The following GRIP1 variants were observed in gnomAD, a reference collection of about 807,000 sequenced individuals.
The protein encoded by GRIP1 is glutamate receptor interacting protein 1.
GRIP1 carries 45 observed loss-of-function variants against 129.9 expected under a neutral mutation model. That is an observed-to-expected ratio of 0.35 (90% CI 0.27 to 0.44). The LOEUF (loss-of-function observed/expected upper bound fraction) is 0.44. Ranked by LOEUF, GRIP1 falls within the 20% of genes least tolerant of loss-of-function variation. GRIP1 has a pLI of 1.00. For missense variants in GRIP1, 1,196 were observed against 1,396.8 expected (o/e 0.86, Z 2.29); for synonymous variants, 530 against 520.8 (o/e 1.02, Z -0.24).
At chr12:66,810,476 T>C (rs2039082083) in intron 1 of GRIP1, among the ~76,000 whole-genome samples, 1 of 152,166 alleles carries the variant, frequency 6.6e-6, no homozygotes, top group African/African-American at 2.4e-5. Flanking sequence ...CAGAATCGCT[T>C]GAACCTGGGA....
At chr12:66,851,488 C>T (rs1376264666) in intron 1 of GRIP1, among the ~76,000 whole-genome samples, 5 of 152,042 alleles carry the variant, frequency 3.3e-5, no homozygotes, top group African/African-American at 1.2e-4. Context: ...AACAGCTAAC[C>T]AAATCTTCAT....
At chr12:66,379,652 T>C (rs758550141) in intron 19 of GRIP1, among the ~76,000 whole-genome samples, 4 of 152,218 alleles carry the variant, frequency 2.6e-5, no homozygotes. Flanking sequence ...TAGATACTCC[T>C]ATTATTTGCA....
intron 7 of GRIP1, among the ~76,000 whole-genome samples, chr12:66,496,445 C>A (rs1028482683): frequency 2.6e-5 from 4 of 152,182 alleles, no homozygotes; most frequent in African/African-American, 9.7e-5. Context: ...TTTGCTCCAA[C>A]AAGCGTTATC....
At chr12:66,902,766 ATGT>A (rs1165358319) in intron 1 of GRIP1, among the ~76,000 whole-genome samples, 2 of 152,208 alleles carry the variant, frequency 1.3e-5, no homozygotes, top group African/African-American at 2.4e-5. Flanking sequence ...AGAAATACTG[ATGT>A]TGTTGTTTTA....
intron 1 of GRIP1, among the ~76,000 whole-genome samples, chr12:66,910,405 C>T (rs1734179555): frequency 6.6e-6 from 1 of 152,198 alleles, no homozygotes; most frequent in Admixed American, 6.5e-5. Flanking sequence ...TGCAAAACTC[C>T]TGGTTCACCC....
chr12:66,607,630 C>G (rs985845052), intron 1 of GRIP1, among the ~76,000 whole-genome samples: 2 of 152,100 alleles, frequency 1.3e-5, no homozygotes, highest in Non-Finnish European at 2.9e-5. Context: ...GCAAGGAGAT[C>G]GCTGAGTCTG....
intron 1 of GRIP1, among the ~76,000 whole-genome samples, chr12:66,770,878 GA>G (rs1566013647): frequency 6.6e-6 from 1 of 152,144 alleles, no homozygotes; most frequent in Non-Finnish European, 1.5e-5. Flanking sequence ...GGTGGATCAT[GA>G]GGTCAGGAGT....
intron 13 of GRIP1, among the ~76,000 whole-genome samples, chr12:66,442,918 CT>C (rs544756919): frequency 3.7e-4 from 57 of 152,190 alleles, no homozygotes; most frequent in African/African-American, 1.1e-3. Context: ...AAAATATAAG[CT>C]TTTTTTACTT....
intron 1 of GRIP1, among the ~76,000 whole-genome samples, chr12:66,922,184 C>T (rs1373396623): frequency 6.6e-6 from 1 of 152,150 alleles, no homozygotes; most frequent in Non-Finnish European, 1.5e-5. Context: ...AATAAATACA[C>T]AAAACAATCA....
intron 1 of GRIP1, among the ~76,000 whole-genome samples, chr12:66,991,666 G>A (rs2042396500): frequency 6.6e-6 from 1 of 152,150 alleles, no homozygotes; most frequent in African/African-American, 2.4e-5. Context: ...AAAGCCAAAT[G>A]ATTTATTAAT....
At chr12:66,652,992 A>C (rs2032908761) in intron 1 of GRIP1, among the ~76,000 whole-genome samples, 1 of 152,370 alleles carries the variant, frequency 6.6e-6, no homozygotes. Flanking sequence ...CTATCTTAAA[A>C]GAGTACAAGA....
chr12:66,987,291 G>A (rs2042326785), intron 1 of GRIP1, among the ~76,000 whole-genome samples: 1 of 152,298 alleles, frequency 6.6e-6, no homozygotes, highest in East Asian at 1.9e-4. Flanking sequence ...CTGACTGGTA[G>A]TGAATACTCA....
At chr12:67,005,358 C>CTAGCAAAT (rs532943602) in intron 1 of GRIP1, among the ~76,000 whole-genome samples, 80 of 152,316 alleles carry the variant, frequency 5.3e-4, no homozygotes, top group African/African-American at 1.9e-3. Flanking sequence ...AACTACGCCA[C>CTAGCAAAT]TAGCAAATTT....
chr12:66,812,476 G>A lies in GRIP1; in HGVS notation c.59-215549C>T, dbSNP rs370626552. Among the ~76,000 whole-genome samples, 111 of 152,182 alleles carry A rather than the reference G, an allele frequency of 7.3e-4. 2 individuals are homozygous for A. Among genetic ancestry groups the A allele is most frequent in the Middle Eastern group, 3.4e-3 (1 of 294 alleles). On this transcript the variant is annotated intron_variant, in intron 1 of 1. Transcript: ENST00000643019. ...TATTGAGCATTTATCTGGTTCATTC[G>A]TCTGTTTGTTCATTTATTTACTCAA... is the stretch of plus-strand genomic sequence containing the variant.
chr12:66,364,265 CAAAAAAAAAAAA>C (rs1159887365), intron 23 of GRIP1, among the ~76,000 whole-genome samples: 1 of 16,346 alleles, frequency 6.1e-5, no homozygotes, highest in Non-Finnish European at 1.1e-4. Flanking sequence ...GACTCCATCT[CAAAAAAAAAAAA>C]AAAAAAAAAA....
chr12:66,762,479 C>A (rs961674229), intron 1 of GRIP1, among the ~76,000 whole-genome samples: 1 of 152,144 alleles, frequency 6.6e-6, no homozygotes, highest in African/African-American at 2.4e-5. Flanking sequence ...AATACTTTTC[C>A]TATTTTCTCC....
chr12:66,715,548 G>A (rs2035863076), intron 1 of GRIP1, among the ~76,000 whole-genome samples: 1 of 151,218 alleles, frequency 6.6e-6, no homozygotes, highest in Non-Finnish European at 1.5e-5. Flanking sequence ...AACACTGTGG[G>A]CAGGAGCATT....
chr12:66,639,223 T>C (rs1236926707), intron 1 of GRIP1, among the ~76,000 whole-genome samples: 1 of 152,164 alleles, frequency 6.6e-6, no homozygotes, highest in Non-Finnish European at 1.5e-5. Context: ...TCACAGAGTA[T>C]GCTACTACTA....
At chr12:66,595,744 A>T (rs1050494627) in intron 2 of GRIP1, among the ~76,000 whole-genome samples, 1 of 152,220 alleles carries the variant, frequency 6.6e-6, no homozygotes, top group African/African-American at 2.4e-5. Flanking sequence ...AAAGCACCAA[A>T]ACAAGGATGT....
Sources: gnomAD v4.1 joint callset for allele counts (sites outside exome capture counted in the v4.1 genomes callset) on GRCh38, gnomAD v4.1.1 for gene constraint, MANE v1.5 for transcripts, NCBI Gene and HGNC (gene_info 2026-07-23, HGNC 2026-07-21) for gene names.